Variants in EPS8 observed in about 807,000 individuals in gnomAD.
The protein encoded by EPS8 is epidermal growth factor receptor kinase substrate 8.
In EPS8, 42 loss-of-function variants were observed where a neutral mutation model predicts 103.8. The observed-to-expected ratio is 0.40, with a 90% CI of 0.32 to 0.52. EPS8 has a LOEUF of 0.52. Ranked by LOEUF, EPS8 falls within the 20% of genes least tolerant of loss-of-function variation. The probability of loss-of-function intolerance (pLI) is 0.40; values close to 1 mark genes in which losing one functional copy is unlikely to be tolerated. For synonymous variants in EPS8, 344 were observed against 344.6 expected (o/e 1.00, Z 0.02); for missense variants, 969 against 1,005.1 (o/e 0.96, Z 0.49).
chr12:15,776,551 G>A lies in EPS8; in HGVS notation c.-22+12610C>T, dbSNP rs7297319. ...ATGATGCCCACGTTAGCCCAATAAC[G>A]TCAATGTTAGCTAGAAATGTCTGGC... On this transcript the variant is annotated intron_variant, in intron 1 of 20. Coordinates refer to ENST00000281172, the MANE Select transcript of EPS8 (RefSeq NM_004447.6). This position sits in a 1 kb window ranked among gnomAD's most constrained non-coding sequence, Gnocchi z 4.2. Among the ~76,000 whole-genome samples the A allele has an allele frequency of 0.014, 2,134 of 152,220 alleles. 57 individuals carry two copies. Among genetic ancestry groups the A allele is most frequent in the African/African-American group, 0.048 (1,996 of 41,526 alleles).
Position 15,669,402 on chromosome 12 carries a change from C to G in EPS8, c.501G>C (p.Gln167His), listed in dbSNP as rs1285218881. Reference protein sequence around the residue: ...TQNKPDLHLFQCDEVKANLIS... With the variant: ...TQNKPDLHLFHCDEVKANLIS... ...ATTCTTTTACCTTAACCTCATCACA[C>G]TGGAAGAGATGAAGATCTGGCTTGT... is the stretch of plus-strand genomic sequence containing the variant. Residue 167 changes from glutamine to histidine, a missense_variant, in exon 6 of 21, where the codon CAG (glutamine) becomes CAC (histidine). Gln to His is a conservative substitution (Grantham distance 24). Transcript: ENST00000281172. The G allele has an allele frequency of 6.2e-7, 1 of 1,612,946 alleles. No homozygotes were observed.
chr12:15,763,412 A>C (rs1947061214), intron 1 of EPS8, among the ~76,000 whole-genome samples: 1 of 152,188 alleles, frequency 6.6e-6, no homozygotes, highest in Non-Finnish European at 1.5e-5. Context: ...AAAGTACACT[A>C]ATCAGAGAAC....
Position 15,658,138 on chromosome 12 carries a change from G to T in EPS8, c.1042C>A (p.His348Asn). The change falls in exon 12 of 21, where the codon CAT becomes AAT. Residue 348 changes from histidine (H) to asparagine (N), a missense_variant. Coordinates refer to ENST00000281172, the MANE Select transcript of EPS8 (RefSeq NM_004447.6). ...GFNLLAKLKS[H>N]IQNPSAADLV... ...TCTGCAGCACTAGGATTCTGAATATGAGACTTCAGTTTGGCCTGCAACATG... is the reference window on the plus strand; with the variant it reads ...TCTGCAGCACTAGGATTCTGAATATTAGACTTCAGTTTGGCCTGCAACATG... 6.2e-7 allele frequency: 1 copy of T among 1,610,648 alleles called. No homozygotes were observed. Among genetic ancestry groups the T allele is most frequent in the South Asian group, 1.1e-5 (1 of 90,974 alleles).
chr12:15,622,546 C>G (rs1170619066), intron 20 of EPS8, among the ~76,000 whole-genome samples: 2 of 152,088 alleles, frequency 1.3e-5, no homozygotes, highest in Non-Finnish European at 2.9e-5. Flanking sequence ...GAAACTACTA[C>G]CCGTATATAG....
chr12:15,625,815 T>C lies in EPS8; in HGVS notation c.2045-1408A>G, dbSNP rs781046616. On this transcript the variant is annotated intron_variant, in intron 18 of 20. Transcript: ENST00000281172. The stretch of plus-strand genomic sequence containing the variant: ...AGGGGACACTCCTGAGACTCATCTC[T>C]GCCAGCACTACCTCCATCAATGACC... Among the ~76,000 whole-genome samples, 32 of 152,298 alleles carry C rather than the reference T, an allele frequency of 2.1e-4. 1 individual carries two copies. The South Asian group carries it at 3.7e-3, about 18-fold the overall frequency.
intron 1 of EPS8, among the ~76,000 whole-genome samples, chr12:15,720,490 G>A (rs1465019632): frequency 6.6e-6 from 1 of 152,182 alleles, no homozygotes; most frequent in Non-Finnish European, 1.5e-5. Flanking sequence ...GAACATAATG[G>A]TCACACTACT....
intron 17 of EPS8, among the ~76,000 whole-genome samples, chr12:15,636,534 T>C (rs191642986): frequency 6.6e-6 from 1 of 152,214 alleles, no homozygotes; most frequent in Non-Finnish European, 1.5e-5. Flanking sequence ...CTGCCTGGTA[T>C]GAGCATCCCT....
intron 1 of EPS8, among the ~76,000 whole-genome samples, chr12:15,766,036 A>T (rs186608370): frequency 6.6e-6 from 1 of 151,072 alleles, no homozygotes; most frequent in African/African-American, 2.4e-5. Context: ...GGCTGGTCTC[A>T]AACTCCTGAC....
At chr12:15,639,846 T>G (rs570618288) in intron 17 of EPS8, among the ~76,000 whole-genome samples, 2 of 152,234 alleles carry the variant, frequency 1.3e-5, no homozygotes, top group South Asian at 2.1e-4. Flanking sequence ...ATGACATTAT[T>G]ATGAGGTCAG....
chr12:15,759,402 A>G lies in EPS8; in HGVS notation c.-22+29759T>C, dbSNP rs759438136. Among the ~76,000 whole-genome samples, 1 of 152,144 alleles carries G rather than the reference A, an allele frequency of 6.6e-6. No individual in the cohort carries two copies. The highest frequency in any genetic ancestry group is 1.5e-5 in the Non-Finnish European group (1 of 67,980). On this transcript the variant is annotated intron_variant, in intron 1 of 20. Transcript: ENST00000281172. This position sits in a 1 kb window ranked among gnomAD's most constrained non-coding sequence, Gnocchi z 4.9. ...ATGCAATAAAAAAATTATAATGACC[A>G]TCTACTGTATTTAATATTTATCCAT... is the stretch of plus-strand genomic sequence containing the variant.
chr12:15,634,776 G>T (rs1945107747), intron 17 of EPS8: 2 of 398,596 alleles, frequency 5.0e-6, no homozygotes, highest in African/African-American at 4.1e-5. Flanking sequence ...TTAGGAAAAT[G>T]GAGCAAATCA....
At chr12:15,657,217 C>T (rs1201975541) in intron 12 of EPS8, among the ~76,000 whole-genome samples, 3 of 152,160 alleles carry the variant, frequency 2.0e-5, no homozygotes, top group East Asian at 1.9e-4. Flanking sequence ...CACCTCAGAA[C>T]ATTTATACGT....
intron 1 of EPS8, among the ~76,000 whole-genome samples, chr12:15,691,313 G>C (rs1449436733): frequency 6.6e-6 from 1 of 151,780 alleles, no homozygotes; most frequent in Admixed American, 6.6e-5. Flanking sequence ...AGTCAAGGTG[G>C]GGGTATTGCT....
intron 3 of EPS8, among the ~76,000 whole-genome samples, chr12:15,675,386 G>T (rs940422588): frequency 3.3e-5 from 5 of 152,216 alleles, no homozygotes; most frequent in African/African-American, 7.2e-5. Context: ...GATCACTTGA[G>T]GTCAGGAGTT....
chr12:15,707,632 C>T (rs1301063462), intron 1 of EPS8, among the ~76,000 whole-genome samples: 7 of 151,776 alleles, frequency 4.6e-5, no homozygotes, highest in Non-Finnish European at 1.0e-4. Context: ...TCGCCTTGCT[C>T]TTCCCTCTGA....
intron 1 of EPS8, among the ~76,000 whole-genome samples, chr12:15,766,464 C>T (rs1237395586): frequency 6.7e-6 from 1 of 148,312 alleles, no homozygotes; most frequent in Non-Finnish European, 1.5e-5. Context: ...CGCCACTGCA[C>T]TCCAGCCTGG....
At chr12:15,741,131 TAG>T (rs1285969758) in intron 1 of EPS8, among the ~76,000 whole-genome samples, 1 of 152,216 alleles carries the variant, frequency 6.6e-6, no homozygotes, top group African/African-American at 2.4e-5. Flanking sequence ...TACAGCTGCA[TAG>T]AGTCGTGGGC....
At position 15,747,148 on chromosome 12, in the gene EPS8, C is replaced by G. The variant is rs999461246; in HGVS notation, c.-22+42013G>C. ...TGCATAAAGCCAACCTAGTAACCCT[C>G]AATAATATATCCTATTTTTCTTGCT... On this transcript the variant is annotated intron_variant, in intron 1 of 20. Transcript: ENST00000281172. This position sits in a 1 kb window ranked among gnomAD's most constrained non-coding sequence, Gnocchi z 4.4. Among the ~76,000 whole-genome samples, 1 of 152,128 alleles carries G rather than the reference C, an allele frequency of 6.6e-6. No homozygotes were observed. The highest frequency in any genetic ancestry group is 1.5e-5 in the Non-Finnish European group (1 of 68,010).
At chr12:15,756,384 G>T (rs1946986415) in intron 1 of EPS8, among the ~76,000 whole-genome samples, 1 of 152,054 alleles carries the variant, frequency 6.6e-6, no homozygotes, top group African/African-American at 2.4e-5. Flanking sequence ...AAATTTGCCA[G>T]TATCAAACCA....
Sources: allele counts gnomAD v4.1 joint callset (sites outside exome capture counted in the v4.1 genomes callset), GRCh38; gene constraint gnomAD v4.1.1; non-coding constraint Gnocchi (gnomAD v3.1); transcripts MANE v1.5; gene names NCBI Gene and HGNC (gene_info 2026-07-23, HGNC 2026-07-21).